ZNF414: variants seen among roughly 807,000 people sequenced by gnomAD.
ZNF414 encodes zinc finger protein 414.
ZNF414 carries 32 observed loss-of-function variants against 38.3 expected under a neutral mutation model. The observed-to-expected ratio is 0.83, with a 90% confidence interval of 0.63 to 1.12. The LOEUF is 1.12. ZNF414 is among the 50% of genes most tolerant of loss of function. The pLI, the probability that ZNF414 is intolerant of heterozygous loss-of-function variation, is 0.00. For synonymous variants in ZNF414, 256 were observed against 248.0 expected, an observed-to-expected ratio of 1.03 and a Z score of -0.30; for missense variants, 589 against 557.4, an observed-to-expected ratio of 1.06 and a Z score of -0.57.
chr19:8,512,150 A>C lies in ZNF414; in HGVS notation c.531-190T>G, dbSNP rs1276639746. 3.5e-6 allele frequency: 5 copies of C among 1,426,028 alleles called. No homozygotes were observed. The Middle Eastern group carries it at 7.7e-4, about 221-fold the overall frequency. 88.3% of individuals were successfully genotyped at this position (1,426,028 alleles called of 1,614,324 possible). ...TGGGAACCTGGGGAAACCCGGAAAG[A>C]AGTCTCAATTTTAAGTTAGGCGGCC... On this transcript the variant is annotated intron_variant, in intron 4 of 7. Coordinates refer to ENST00000393927, the MANE Select transcript of ZNF414 (RefSeq NM_001146175.2).
intron 6 of ZNF414, 194 bp from the exon 7 acceptor site, chr19:8,511,218 C>T: frequency 2.3e-6 from 3 of 1,332,708 alleles, no homozygotes; most frequent in Non-Finnish European, 2.9e-6. Context: ...TCTCCGCGTC[C>T]CCTACTATCA....
intron 6 of ZNF414, 60 bp downstream of exon 6, chr19:8,511,425 AC>A: frequency 1.3e-6 from 2 of 1,583,028 alleles, no homozygotes; most frequent in Non-Finnish European, 8.6e-7. Flanking sequence ...TATCCACCAG[AC>A]CCCGCAGGGC....
intron 4 of ZNF414, 108 bp downstream of exon 4, chr19:8,512,279 A>T: frequency 2.0e-6 from 3 of 1,493,952 alleles, no homozygotes; most frequent in African/African-American, 1.4e-5. Flanking sequence ...AGGCCCACCC[A>T]CATCAAGTCC....
Position 8,511,824 on chromosome 19 carries a change from G to A in ZNF414, c.667C>T (p.Pro223Ser), listed in dbSNP as rs759446097. 1.4e-6 allele frequency: 2 copies of A among 1,399,888 alleles called. No individual in the cohort carries two copies. The highest frequency in any genetic ancestry group is 1.8e-6 in the Non-Finnish European group (2 of 1,085,384). 86.7% of individuals were successfully genotyped at this position (1,399,888 alleles called of 1,614,324 possible). Residue 223 changes from proline to serine, a missense_variant, in exon 5 of 8, where the codon CCC becomes TCC. Coordinates refer to ENST00000393927, the MANE Select transcript of ZNF414 (RefSeq NM_001146175.2). ...LDREPPAPERPPEVDPASAPG... is the reference protein window; with the variant it reads ...LDREPPAPERSPEVDPASAPG... ...GCTGATGCGGGGTCAACCTCCGGGG[G>A]GCGCTCCGGCGCGGGCGGCTCTCGG...
In ZNF414 at chr19:8,510,628, T is replaced by C; in HGVS notation, c.*63A>G. The C allele has an allele frequency of 9.1e-6, 12 of 1,315,064 alleles. No homozygotes were observed. Among genetic ancestry groups the C allele is most frequent in the South Asian group, 2.8e-5 (2 of 72,110 alleles). The allele number at this position is 1,315,064 out of a possible 1,614,324, so 81.5% of individuals were successfully genotyped here. A position where few individuals can be genotyped will look rare whatever the true frequency, so the allele number is the denominator to read the frequency against. ...ATTGTCCACCCCAGCCCCCCTTCCC[T>C]GCAGCCCCCTCCAAATGACAAAACT... On this transcript the variant is annotated 3_prime_UTR_variant, in exon 8 of 8. Transcript: ENST00000393927.
intron 6 of ZNF414, 155 bp downstream of exon 6, chr19:8,511,331 G>A: frequency 2.1e-6 from 3 of 1,450,030 alleles, no homozygotes; most frequent in Admixed American, 2.7e-5. Flanking sequence ...GCAGGTGCCA[G>A]TCATTTTTAA....
chr19:8,512,302 C>A, intron 4 of ZNF414, 85 bp downstream of exon 4: 8 of 1,563,056 alleles, frequency 5.1e-6, no homozygotes, highest in South Asian at 2.3e-5. Context: ...CCCTCCAACA[C>A]CCTGACCAGG....
intron 1 of ZNF414, 43 bp downstream of exon 1, chr19:8,514,001 C>T: frequency 7.0e-7 from 1 of 1,427,338 alleles, no homozygotes; most frequent in Non-Finnish European, 9.2e-7. Flanking sequence ...CCCCGCCAGT[C>T]CCCGCAGCTC....
rs1435674818 is a variant in ZNF414 at position 8,510,475 on chromosome 19, C to A, written c.*216G>T. ...ACAGGACACAGGTGGGCTGTGAGGC[C>A]TGCACCTGTGGACCCAGGTGGTCCT... On this transcript the variant is annotated 3_prime_UTR_variant, in exon 8 of 8. Transcript: ENST00000393927. 1.4e-5 allele frequency: 6 copies of A among 434,788 alleles called. No individual in the cohort carries two copies. In the East Asian group the frequency reaches 2.3e-4, roughly 17 times the overall value. 26.9% of individuals were successfully genotyped at this position (434,788 alleles called of 1,614,324 possible). A position where few individuals can be genotyped will look rare whatever the true frequency, so the allele number is the denominator to read the frequency against.
In ZNF414 at chr19:8,510,701, G is replaced by A. The variant is rs987216057; in HGVS notation, c.1163C>T (p.Ser388Leu). Reference sequence around the variant, plus strand: ...CCAAAGCGGCGGGATTCAGAGCTGCGAGAACACTGGAAGCTCCCCCTCTGA... The same window carrying A: ...CCAAAGCGGCGGGATTCAGAGCTGCAAGAACACTGGAAGCTCCCCCTCTGA... ...LLSEGELPVF[S>L]QL Residue 388 changes from serine (S) to leucine (L), a missense_variant, in exon 8 of 8, where the codon TCG becomes TTG. By Grantham distance (145) the Ser-to-Leu change is moderately radical. Transcript: ENST00000393927. 2.6e-6 allele frequency: 4 copies of A among 1,547,954 alleles called. No individual in the cohort carries two copies. In the African/African-American group the frequency reaches 4.1e-5, roughly 16 times the overall value.
At position 8,510,730 on chromosome 19, in the gene ZNF414, C is replaced by T. The variant is rs1013808037; in HGVS notation, c.1134G>A (p.Leu378=). The T allele has an allele frequency of 1.0e-4, 158 of 1,549,762 alleles. No individual in the cohort carries two copies. Among genetic ancestry groups the T allele is most frequent in the Non-Finnish European group, 1.3e-4 (146 of 1,146,000 alleles). Reference sequence around the variant, plus strand: ...ACACTGGAAGCTCCCCCTCTGACAGCAGCGGCGACACCTTGGGTGCAAGCG... The same window carrying T: ...ACACTGGAAGCTCCCCCTCTGACAGTAGCGGCGACACCTTGGGTGCAAGCG... ...PAPLAPKVSP[L]LSEGELPVFS... is the part of the protein sequence containing the mutation. Residue 378 remains leucine (L), a synonymous_variant, in exon 8 of 8, where the codon CTG becomes CTA. Transcript: ENST00000393927.
rs1971934065 is a variant in ZNF414 at position 8,512,612 on chromosome 19, G to A, written c.416C>T (p.Ser139Phe). Residue 139 changes from serine (S) to phenylalanine (F), a missense_variant, in exon 3 of 8, where the codon TCC becomes TTC. Physicochemically the swap from Ser to Phe is radical, Grantham distance 155 (BLOSUM62 -2). Coordinates refer to ENST00000393927, the MANE Select transcript of ZNF414 (RefSeq NM_001146175.2). ...HLRTHCPPTQ[S>F]LEGKLFRCSA... ...ACCAGTCCTGGCCCTACCTTCCAGGGACTGTGTGGGCGGGCAGTGGGTTCG... is the reference window on the plus strand; with the variant it reads ...ACCAGTCCTGGCCCTACCTTCCAGGAACTGTGTGGGCGGGCAGTGGGTTCG... 6 of 1,592,024 alleles carry A rather than the reference G, an allele frequency of 3.8e-6. No individual in the cohort carries two copies. Among genetic ancestry groups the A allele is most frequent in the Non-Finnish European group, 5.1e-6 (6 of 1,168,320 alleles).
chr19:8,511,704 C>A lies in ZNF414; in HGVS notation c.787G>T (p.Gly263Cys). 1 of 1,488,872 alleles carries A rather than the reference C, an allele frequency of 6.7e-7. No individual in the cohort carries two copies. 92.2% of individuals were successfully genotyped at this position (1,488,872 alleles called of 1,614,324 possible). A position where few individuals can be genotyped will look rare whatever the true frequency, so the allele number is the denominator to read the frequency against. The change falls in exon 5 of 8, where the codon GGC (glycine) becomes TGC (cysteine). Residue 263 changes from glycine to cysteine, a missense_variant. Coordinates refer to ENST00000393927, the MANE Select transcript of ZNF414 (RefSeq NM_001146175.2). Reference sequence around the variant, plus strand: ...GGGCGCAGGCGCGGGGGGCTTAGGCCAAAGGGCGCAGGGTTCAAGTAGGGC... The same window carrying A: ...GGGCGCAGGCGCGGGGGGCTTAGGCAAAAGGGCGCAGGGTTCAAGTAGGGC... ...FLPYLNPAPF[G>C]LSPPRLRPFL...
Position 8,510,783 on chromosome 19 carries a change from G to A in ZNF414, c.1100-19C>T. On this transcript the variant is annotated intron_variant, in intron 7 of 7. Coordinates refer to ENST00000393927, the MANE Select transcript of ZNF414 (RefSeq NM_001146175.2). ...GCCGGATCTGGGTGGGGCAGAGGAG[G>A]GGGGCGCCTGAGCCTCAGCGCCTTG... The A allele has an allele frequency of 1.3e-6, 2 of 1,536,664 alleles. No homozygotes were observed. The highest frequency in any genetic ancestry group is 1.8e-6 in the Non-Finnish European group (2 of 1,138,440).
chr19:8,512,851 A>C, intron 2 of ZNF414, 140 bp from the exon 3 acceptor site: 1 of 1,168,836 alleles, frequency 8.6e-7, no homozygotes. Flanking sequence ...GGTCTGCCAC[A>C]GTGCAGGGGC....
chr19:8,512,928 G>C, intron 2 of ZNF414, 101 bp downstream of exon 2: 3 of 1,363,612 alleles, frequency 2.2e-6, no homozygotes, highest in Non-Finnish European at 2.9e-6. Flanking sequence ...AAAATGATGA[G>C]TGGCATCCCT....
chr19:8,511,275 GA>G (rs1971909139), intron 6 of ZNF414: 1 of 1,402,648 alleles, frequency 7.1e-7, no homozygotes, highest in Non-Finnish European at 9.2e-7. Context: ...GGTGAACGGT[GA>G]AAGGGGCGCA....
intron 2 of ZNF414, 141 bp from the exon 3 acceptor site, chr19:8,512,852 G>T: frequency 1.7e-6 from 2 of 1,173,740 alleles, no homozygotes; most frequent in Non-Finnish European, 2.3e-6. Flanking sequence ...GTCTGCCACA[G>T]TGCAGGGGCT....
Position 8,513,284 on chromosome 19 carries a change from T to G in ZNF414, c.61A>C (p.Ser21Arg). Residue 21 changes from serine (S) to arginine (R), a missense_variant, in exon 2 of 8, where the codon AGT becomes CGT. Physicochemically the swap from Ser to Arg is moderately radical, Grantham distance 110. Coordinates refer to ENST00000393927, the MANE Select transcript of ZNF414 (RefSeq NM_001146175.2). The part of the protein sequence containing the change: ...DMLATAEPSS[S>R]ETDKEVLSPA... ...GACAACACCTCCTTGTCGGTCTCAC[T>G]GGAGCTGGGCTCTGCAGTGGCCAGC... 1 of 1,596,872 alleles carries G rather than the reference T, an allele frequency of 6.3e-7. No homozygotes were observed. Among genetic ancestry groups the G allele is most frequent in the Non-Finnish European group, 8.5e-7 (1 of 1,178,806 alleles).
Sources: allele counts gnomAD v4.1 joint callset, GRCh38; gene constraint gnomAD v4.1.1; transcripts MANE v1.5; gene names NCBI Gene and HGNC (gene_info 2026-07-23, HGNC 2026-07-21).